Variants in TBC1D5 observed in about 807,000 individuals in gnomAD.
TBC1D5 encodes TBC1 domain family member 5.
Under a neutral mutation model 100.3 loss-of-function variants are expected in TBC1D5, and 75 were observed. The observed-to-expected ratio is 0.75, with a 90% CI of 0.62 to 0.91. The LOEUF (loss-of-function observed/expected upper bound fraction) is 0.91. Among genes scored for constraint, TBC1D5 ranks in the 40% least tolerant of loss-of-function variants. The probability of loss-of-function intolerance (pLI) is 0.00; values close to 1 mark genes in which losing one functional copy is unlikely to be tolerated. For missense variants in TBC1D5, 910 were observed against 942.4 expected, an observed-to-expected ratio of 0.97 and a Z score of 0.45; for synonymous variants, 323 against 325.6, an observed-to-expected ratio of 0.99 and a Z score of 0.09.
intron 15 of TBC1D5, among the ~76,000 whole-genome samples, chr3:17,277,658 T>C (rs942008160): frequency 6.6e-6 from 1 of 152,238 alleles, no homozygotes; most frequent in African/African-American, 2.4e-5. Flanking sequence ...AGAGCTCCTG[T>C]TAACTTTCTT....
intron 13 of TBC1D5, among the ~76,000 whole-genome samples, chr3:17,355,654 T>C (rs1195557737): frequency 6.6e-6 from 1 of 152,130 alleles, no homozygotes; most frequent in Non-Finnish European, 1.5e-5. Flanking sequence ...ATAAATTTTT[T>C]TAAATATACC....
chr3:17,556,858 CTTTTG>C (rs2153462533), intron 2 of TBC1D5, among the ~76,000 whole-genome samples: 2 of 152,290 alleles, frequency 1.3e-5, no homozygotes, highest in Non-Finnish European at 2.9e-5. Flanking sequence ...CTGACCACTT[CTTTTG>C]TTTTGACAAA....
At chr3:17,236,328 C>A (rs1289787682) in intron 17 of TBC1D5, among the ~76,000 whole-genome samples, 2 of 151,982 alleles carry the variant, frequency 1.3e-5, no homozygotes, top group African/African-American at 2.4e-5. Flanking sequence ...TAAAACAGTA[C>A]AATTAAGAAA....
At chr3:17,630,475 T>A (rs1436715157) in intron 1 of TBC1D5, among the ~76,000 whole-genome samples, 6 of 152,188 alleles carry the variant, frequency 3.9e-5, no homozygotes, top group Non-Finnish European at 8.8e-5. Context: ...GTTACTATTA[T>A]AATTATGTTG....
chr3:17,729,465 TG>T (rs1211304711), intron 1 of TBC1D5, among the ~76,000 whole-genome samples: 51 of 152,140 alleles, frequency 3.4e-4, no homozygotes, highest in African/African-American at 8.7e-4. Flanking sequence ...CTCAGCACTT[TG>T]GGAGGCCAAG....
intron 3 of TBC1D5, among the ~76,000 whole-genome samples, chr3:17,442,563 T>C (rs2094688719): frequency 6.6e-6 from 1 of 152,300 alleles, no homozygotes; most frequent in Middle Eastern, 3.4e-3. Flanking sequence ...GACATGGGGA[T>C]TCTCTAATTC....
chr3:17,272,217 T>C (rs2079502345), intron 15 of TBC1D5, among the ~76,000 whole-genome samples: 1 of 152,208 alleles, frequency 6.6e-6, no homozygotes, highest in African/African-American at 2.4e-5. Context: ...ATTATTGATA[T>C]CTAGAATCTT....
intron 1 of TBC1D5, among the ~76,000 whole-genome samples, chr3:17,638,512 G>C (rs1473995583): frequency 6.6e-6 from 1 of 152,060 alleles, no homozygotes; most frequent in South Asian, 2.1e-4. Flanking sequence ...GAAGCAAATG[G>C]AACTGACTTA....
chr3:17,261,492 G>T lies in TBC1D5; in HGVS notation c.1246-2901C>A, dbSNP rs528664392. ...TGGGGGGTGGGGTGGGGTGGGGGGG[G>T]AGACAGGGTCTCATTCTGTCGCCCA... On this transcript the variant is annotated intron_variant, in intron 15 of 21. Coordinates refer to ENST00000253692, the Ensembl canonical transcript of TBC1D5. 6.0e-5 allele frequency among the ~76,000 whole-genome samples: 9 copies of T among 151,230 alleles called. No individual in the cohort carries two copies. In the South Asian group the frequency reaches 1.9e-3, roughly 32 times the overall value.
chr3:17,416,865 A>C (rs888407036), intron 4 of TBC1D5, among the ~76,000 whole-genome samples: 2 of 152,188 alleles, frequency 1.3e-5, no homozygotes, highest in Non-Finnish European at 2.9e-5. Context: ...GCTGGAAAGA[A>C]CTAGACCCAA....
chr3:17,641,299 C>T (rs2064474634), intron 1 of TBC1D5, among the ~76,000 whole-genome samples: 1 of 152,024 alleles, frequency 6.6e-6, no homozygotes, highest in Non-Finnish European at 1.5e-5. Context: ...ACACAAACTA[C>T]ATTCTGTACA....
intron 1 of TBC1D5, among the ~76,000 whole-genome samples, chr3:17,653,097 C>T (rs956907243): frequency 6.6e-6 from 1 of 152,024 alleles, no homozygotes; most frequent in Admixed American, 6.6e-5. Flanking sequence ...TTCTATTATT[C>T]CACTTACATG....
chr3:17,617,391 A>C (rs1338443287), intron 2 of TBC1D5, among the ~76,000 whole-genome samples: 1 of 152,118 alleles, frequency 6.6e-6, no homozygotes, highest in African/African-American at 2.4e-5. Context: ...AATTTTTCCA[A>C]GGAGTATCTT....
At chr3:17,434,201 C>A (rs2094495069) in intron 3 of TBC1D5, among the ~76,000 whole-genome samples, 1 of 152,198 alleles carries the variant, frequency 6.6e-6, no homozygotes, top group Admixed American at 6.5e-5. Flanking sequence ...CTAGGCAATG[C>A]CCCAGTGGGG....
At chr3:17,455,204 A>G (rs371824119) in intron 3 of TBC1D5, among the ~76,000 whole-genome samples, 2 of 145,914 alleles carry the variant, frequency 1.4e-5, no homozygotes, top group East Asian at 3.9e-4. Context: ...ATATATATGT[A>G]TATATGTATA....
intron 15 of TBC1D5, among the ~76,000 whole-genome samples, chr3:17,262,223 AC>A (rs2078373524): frequency 6.6e-6 from 1 of 152,158 alleles, no homozygotes; most frequent in Non-Finnish European, 1.5e-5. Flanking sequence ...CAGCTCATTG[AC>A]CCCAGGCTAC....
intron 3 of TBC1D5, among the ~76,000 whole-genome samples, chr3:17,469,221 C>T (rs1343934786): frequency 6.6e-6 from 1 of 151,936 alleles, no homozygotes; most frequent in Non-Finnish European, 1.5e-5. Context: ...AGTAAGAAAT[C>T]AGCAAATAAA....
rs1281446420 is a variant in TBC1D5, at chr3:17,658,303, A to G, written c.-100-34390T>C. ...ATTTCCTGCTATATATACTACTATT[A>G]CTGTCCACATGCTAAAAGTATAAAG... is the stretch of plus-strand genomic sequence containing the variant. On this transcript the variant is annotated intron_variant, in intron 1 of 21. Coordinates refer to ENST00000253692, the Ensembl canonical transcript of TBC1D5. Among the ~76,000 whole-genome samples the G allele has an allele frequency of 3.9e-5, 6 of 152,322 alleles. No homozygotes were observed. The East Asian group carries it at 7.7e-4, about 20-fold the overall frequency.
At chr3:17,388,846 G>C (rs1559780457) in intron 8 of TBC1D5, among the ~76,000 whole-genome samples, 1 of 151,974 alleles carries the variant, frequency 6.6e-6, no homozygotes, top group South Asian at 2.1e-4. Flanking sequence ...CTAGGCAAGA[G>C]AGACACACCC....
Sources: gnomAD v4.1 joint callset for allele counts (sites outside exome capture counted in the v4.1 genomes callset) on GRCh38, gnomAD v4.1.1 for gene constraint, MANE v1.5 for transcripts, NCBI Gene and HGNC (gene_info 2026-07-23, HGNC 2026-07-21) for gene names.